GGT6: variants seen among roughly 807,000 people sequenced by gnomAD.
GGT6 encodes glutathione hydrolase 6.
GGT6 carries 13 observed loss-of-function variants against 17.0 expected under a neutral mutation model. The ratio of observed to expected loss-of-function variants is 0.77; its 90% CI spans 0.50 to 1.22. GGT6 has a LOEUF of 1.22. GGT6 is among the 50% of genes most tolerant of loss of function. The pLI is 0.00. For synonymous variants in GGT6, 305 were observed against 297.9 expected, an observed-to-expected ratio of 1.02 and a Z score of -0.25; for missense variants, 628 against 643.7, an observed-to-expected ratio of 0.98 and a Z score of 0.26.
Position 4,558,505 on chromosome 17 carries a change from C to T in GGT6, c.1010G>A (p.Gly337Glu). ...TGGGCAGGGGTCAGGGATGGGCGCCCCGGAGCGCAGGGCTGCCTCCAACAG... is the reference window on the plus strand; with the variant it reads ...TGGGCAGGGGTCAGGGATGGGCGCCTCGGAGCGCAGGGCTGCCTCCAACAG... ...LALLEAALRS[G>E]APIPDPCPPF... Residue 337 changes from glycine (G) to glutamate (E), a missense_variant, in exon 4 of 4, where the codon GGG (glycine) becomes GAG (glutamate). Gly to Glu is a moderately conservative substitution (Grantham distance 98). Transcript: ENST00000381550. 4.4e-6 allele frequency: 7 copies of T among 1,600,896 alleles called. No homozygotes were observed. Among genetic ancestry groups the T allele is most frequent in the Non-Finnish European group, 6.0e-6 (7 of 1,174,432 alleles).
Position 4,559,287 on chromosome 17 carries a change from A to G in GGT6, c.457+56T>C, listed in dbSNP as rs1908448076. On this transcript the variant is annotated intron_variant, in intron 3 of 3. Transcript: ENST00000381550. ...CAGTGCTACTGACTCCCTAAGTTCCAGGTCACTGATCAGGCTGTGGGTTGG... is the reference window on the plus strand; with the variant it reads ...CAGTGCTACTGACTCCCTAAGTTCCGGGTCACTGATCAGGCTGTGGGTTGG... 6 of 1,390,996 alleles carry G rather than the reference A, an allele frequency of 4.3e-6. No homozygotes were observed. In the Admixed American group the frequency reaches 1.2e-4, roughly 27 times the overall value. The allele number at this position is 1,390,996 out of a possible 1,614,324, so 86.2% of individuals were successfully genotyped here.
Position 4,559,542 on chromosome 17 carries a change from C to A in GGT6, c.343+16G>T, listed in dbSNP as rs773604892. 1.3e-5 allele frequency: 21 copies of A among 1,611,998 alleles called. No homozygotes were observed. The highest frequency in any genetic ancestry group is 1.8e-5 in the Non-Finnish European group (21 of 1,179,284). ...CTGACCCTCCCCTCCCCAAGCCGCC[C>A]CCAGCACTGACTGACCTGCAGGGCT... On this transcript the variant is annotated intron_variant, in intron 2 of 3. Transcript: ENST00000381550.
In GGT6 at chr17:4,559,334, G is replaced by C; in HGVS notation, c.457+9C>G. On this transcript the variant is annotated intron_variant, in intron 3 of 3. Coordinates refer to ENST00000381550, the MANE Select transcript of GGT6 (RefSeq NM_001288702.2). ...TTGGGGTTGCAGTCTGGGGTCAGGGGTCACTGACCTAGCCCCGTGGCATGA... is the reference window on the plus strand; with the variant it reads ...TTGGGGTTGCAGTCTGGGGTCAGGGCTCACTGACCTAGCCCCGTGGCATGA... 1 of 1,541,020 alleles carries C rather than the reference G, an allele frequency of 6.5e-7. No individual in the cohort carries two copies. Among genetic ancestry groups the C allele is most frequent in the East Asian group, 2.4e-5 (1 of 40,870 alleles).
rs1450174416 is a variant in GGT6, at chr17:4,557,965, C to T, written c.*50G>A. The T allele has an allele frequency of 3.2e-6, 4 of 1,238,534 alleles. No homozygotes were observed. Among genetic ancestry groups the T allele is most frequent in the Non-Finnish European group, 4.4e-6 (4 of 901,778 alleles). 76.7% of individuals were successfully genotyped at this position (1,238,534 alleles called of 1,614,324 possible). A position where few individuals can be genotyped will look rare whatever the true frequency, so the allele number is the denominator to read the frequency against. On this transcript the variant is annotated 3_prime_UTR_variant, in exon 4 of 4. Transcript: ENST00000381550. The stretch of plus-strand genomic sequence containing the variant: ...TGCTGCTGTGTCTGCTCTGCTCCTG[C>T]CCCCATGCTTCAGATAACTCTGCCT...
Position 4,558,096 on chromosome 17 carries a change from G to GGT in GGT6, c.1417_1418dup (p.Leu474ProfsTer41). 6.2e-7 allele frequency: 1 copy of GGT among 1,608,746 alleles called. No individual in the cohort carries two copies. The highest frequency in any genetic ancestry group is 8.5e-7 in the Non-Finnish European group (1 of 1,176,920). On this transcript the variant is annotated frameshift_variant, in exon 4 of 4. Coordinates refer to ENST00000381550, the MANE Select transcript of GGT6 (RefSeq NM_001288702.2). LOFTEE classifies it high-confidence loss of function. ...CTGTGTGGGCTGCCACCTGGAGCAG[G>GGT]GTCCCTTGGCCACAAGTGCTGGGAT...
chr17:4,559,579 C>G lies in GGT6; in HGVS notation c.322G>C (p.Gly108Arg). ...HSHGPGVYHH[G>R]AIISPAATCS... ...TGACCTGCAGGGCTGATGATGGCAC[C>G]GTGGTGGTATACGCCAGGGCCGTGG... is the stretch of plus-strand genomic sequence containing the variant. The change falls in exon 2 of 4, where the codon GGT becomes CGT. Residue 108 changes from glycine (G) to arginine (R), a missense_variant. Gly to Arg is a moderately radical substitution (Grantham distance 125, BLOSUM62 -2). Coordinates refer to ENST00000381550, the MANE Select transcript of GGT6 (RefSeq NM_001288702.2). The G allele has an allele frequency of 6.2e-7, 1 of 1,613,804 alleles. No homozygotes were observed. Among genetic ancestry groups the G allele is most frequent in the South Asian group, 1.1e-5 (1 of 91,080 alleles).
In GGT6 at chr17:4,558,294, G is replaced by A; in HGVS notation, c.1221C>T (p.Pro407=). 2 of 1,613,750 alleles carry A rather than the reference G, an allele frequency of 1.2e-6. No individual in the cohort carries two copies. Among genetic ancestry groups the A allele is most frequent in the Non-Finnish European group, 1.7e-6 (2 of 1,180,052 alleles). ...AKSTTSAWAC[P]LILRGSLDDT... is the part of the protein sequence containing the mutation. ...CATCCAGGCTGCCACGGAGGATGAGGGGGCAGGCCCAGGCACTAGTGGTAG... is the reference window on the plus strand; with the variant it reads ...CATCCAGGCTGCCACGGAGGATGAGAGGGCAGGCCCAGGCACTAGTGGTAG... The change falls in exon 4 of 4, where the codon CCC becomes CCT. Residue 407 remains proline, a synonymous_variant. Coordinates refer to ENST00000381550, the MANE Select transcript of GGT6 (RefSeq NM_001288702.2).
chr17:4,559,301 G>A, intron 3 of GGT6, 42 bp downstream of exon 3: 1 of 1,444,960 alleles, frequency 6.9e-7, no homozygotes, highest in African/African-American at 1.4e-5. Flanking sequence ...CACTGATCAG[G>A]CTGTGGGTTG....
At position 4,559,791 on chromosome 17, in the gene GGT6, T is replaced by G. The variant is rs1011866252; in HGVS notation, c.141-31A>C. 2.5e-6 allele frequency: 4 copies of G among 1,597,678 alleles called. No homozygotes were observed. In the African/African-American group the frequency reaches 5.4e-5, roughly 21 times the overall value. On this transcript the variant is annotated intron_variant, in intron 1 of 3. Coordinates refer to ENST00000381550, the MANE Select transcript of GGT6 (RefSeq NM_001288702.2). ...GAGGGGGGGTGTCCTGAGCCACGGC[T>G]GGGACAGAGGGATGCCCAAGGACCC...
In GGT6 at chr17:4,558,109, C is replaced by T. The variant is rs1908297690; in HGVS notation, c.1406G>A (p.Cys469Tyr). 6.2e-7 allele frequency: 1 copy of T among 1,611,404 alleles called. No individual in the cohort carries two copies. The highest frequency in any genetic ancestry group is 1.7e-5 in the Admixed American group (1 of 59,854). The change falls in exon 4 of 4, where the codon TGT becomes TAT. Residue 469 changes from cysteine to tyrosine, a missense_variant. By Grantham distance (194) the Cys-to-Tyr change is radical. Coordinates refer to ENST00000381550, the MANE Select transcript of GGT6 (RefSeq NM_001288702.2). ...CACCTGGAGCAGGGTCCCTTGGCCA[C>T]AAGTGCTGGGATGCTCTGTTGGTTC... is the stretch of plus-strand genomic sequence containing the variant. ...QQEPTEHPSTCGQGTLLQVAA... is the reference protein window; with the variant it reads ...QQEPTEHPSTYGQGTLLQVAA...
Position 4,557,958 on chromosome 17 carries a change from G to A in GGT6, c.*57C>T. 1 of 1,180,338 alleles carries A rather than the reference G, an allele frequency of 8.5e-7. No individual in the cohort carries two copies. Among genetic ancestry groups the A allele is most frequent in the Non-Finnish European group, 1.2e-6 (1 of 852,366 alleles). 73.1% of individuals were successfully genotyped at this position (1,180,338 alleles called of 1,614,324 possible). A position where few individuals can be genotyped will look rare whatever the true frequency, so the allele number is the denominator to read the frequency against. ...ACTCCATTGCTGCTGTGTCTGCTCT[G>A]CTCCTGCCCCCATGCTTCAGATAAC... On this transcript the variant is annotated 3_prime_UTR_variant, in exon 4 of 4. Coordinates refer to ENST00000381550, the MANE Select transcript of GGT6 (RefSeq NM_001288702.2).
At chr17:4,560,317 C>G in intron 1 of GGT6, 65 bp downstream of exon 1, 2 of 1,596,448 alleles carry the variant, frequency 1.3e-6, no homozygotes. Context: ...TGAGGGGCTC[C>G]AGAGAGAGGG....
downstream of GGT6, among the ~76,000 whole-genome samples, chr17:4,556,610 G>A (rs1209017980): frequency 6.6e-6 from 1 of 152,160 alleles, no homozygotes; most frequent in Non-Finnish European, 1.5e-5. Flanking sequence ...CTTGGGGGAG[G>A]TCAGGGCTAA....
chr17:4,560,493 T>G lies in GGT6; in HGVS notation c.29A>C (p.Tyr10Ser), dbSNP rs1371050883. 9.3e-6 allele frequency: 15 copies of G among 1,612,930 alleles called. No individual in the cohort carries two copies. The highest frequency in any genetic ancestry group is 1.3e-5 in the African/African-American group (1 of 74,946). The change falls in exon 1 of 4, where the codon TAT (tyrosine) becomes TCT (serine). Residue 10 changes from tyrosine to serine, a missense_variant. Coordinates refer to ENST00000381550, the MANE Select transcript of GGT6 (RefSeq NM_001288702.2). The part of the protein sequence containing the change: MERAEEPVV[Y>S]QKLLPWEPSL... Reference sequence around the variant, plus strand: ...TGGCTCCCAGGGCAGCAGCTTCTGATAGACCACGGGCTCTTCTGCCCGCTC... The same window carrying G: ...TGGCTCCCAGGGCAGCAGCTTCTGAGAGACCACGGGCTCTTCTGCCCGCTC...
In GGT6 at chr17:4,559,325, G is replaced by C; in HGVS notation, c.457+18C>G. ...GGCTGTGGGTTGGGGTTGCAGTCTGGGGTCAGGGGTCACTGACCTAGCCCC... is the reference window on the plus strand; with the variant it reads ...GGCTGTGGGTTGGGGTTGCAGTCTGCGGTCAGGGGTCACTGACCTAGCCCC... On this transcript the variant is annotated intron_variant, in intron 3 of 3. Coordinates refer to ENST00000381550, the MANE Select transcript of GGT6 (RefSeq NM_001288702.2). The C allele has an allele frequency of 5.2e-6, 8 of 1,527,010 alleles. No individual in the cohort carries two copies. The highest frequency in any genetic ancestry group is 7.1e-6 in the Non-Finnish European group (8 of 1,124,392). 94.6% of individuals were successfully genotyped at this position (1,527,010 alleles called of 1,614,324 possible).
rs1908320002 is a variant in GGT6 at position 4,558,336 on chromosome 17, G to T, written c.1179C>A (p.Ser393Arg). The T allele has an allele frequency of 6.2e-7, 1 of 1,610,148 alleles. No homozygotes were observed. Among genetic ancestry groups the T allele is most frequent in the Non-Finnish European group, 8.5e-7 (1 of 1,180,020 alleles). ...TAGTGGTAGACTTGGCCACCAGGTT[G>T]CTGAGCAGAACCCCAGTGCTTGGGG... ...HLSPSTGVLL[S>R]NLVAKSTTSA... The change falls in exon 4 of 4, where the codon AGC becomes AGA. Residue 393 changes from serine (S) to arginine (R), a missense_variant. Ser to Arg is a moderately radical substitution (Grantham distance 110, BLOSUM62 -1). Transcript: ENST00000381550.
At position 4,558,304 on chromosome 17, in the gene GGT6, C is replaced by A; in HGVS notation, c.1211G>T (p.Trp404Leu). ...NLVAKSTTSA[W>L]ACPLILRGSL... ...GCCACGGAGGATGAGGGGGCAGGCC[C>A]AGGCACTAGTGGTAGACTTGGCCAC... is the stretch of plus-strand genomic sequence containing the variant. Residue 404 changes from tryptophan to leucine, a missense_variant, in exon 4 of 4, where the codon TGG (tryptophan) becomes TTG (leucine). Physicochemically the swap from Trp to Leu is moderately conservative, Grantham distance 61. Transcript: ENST00000381550. 2 of 1,613,236 alleles carry A rather than the reference C, an allele frequency of 1.2e-6. No individual in the cohort carries two copies. The highest frequency in any genetic ancestry group is 1.7e-6 in the Non-Finnish European group (2 of 1,180,032).
Position 4,559,738 on chromosome 17 carries a change from C to T in GGT6, c.163G>A (p.Gly55Arg), listed in dbSNP as rs373030143. 102 of 1,611,476 alleles carry T rather than the reference C, an allele frequency of 6.3e-5. No homozygotes were observed. Among genetic ancestry groups the T allele is most frequent in the Non-Finnish European group, 8.0e-5 (94 of 1,179,904 alleles). The change falls in exon 2 of 4, where the codon GGA becomes AGA. Residue 55 changes from glycine to arginine, a missense_variant. By Grantham distance (125) the Gly-to-Arg change is moderately radical (BLOSUM62 -2). Transcript: ENST00000381550. ...SSRNKAGGLPGTWARVVAALL... is the reference protein window; with the variant it reads ...SSRNKAGGLPRTWARVVAALL... ...GCTGCCACTACACGGGCCCAGGTTCCGGGCAGCCCGCCAGCCTTGTTCCTG... is the reference window on the plus strand; with the variant it reads ...GCTGCCACTACACGGGCCCAGGTTCTGGGCAGCCCGCCAGCCTTGTTCCTG...
Position 4,558,901 on chromosome 17 carries a change from G to A in GGT6, c.614C>T (p.Pro205Leu). ...LHARFGRLPW[P>L]RLLVGPTTLA... ...CGTGGTGGGGCCCACTAGCAGGCGT[G>A]GCCAGGGCAGGCGGCCGAAGCGTGC... Residue 205 changes from proline (P) to leucine (L), a missense_variant, in exon 4 of 4, where the codon CCA becomes CTA. Pro to Leu is a moderately conservative substitution (Grantham distance 98, BLOSUM62 -3). Transcript: ENST00000381550. The A allele has an allele frequency of 6.5e-7, 1 of 1,548,864 alleles. No homozygotes were observed. Among genetic ancestry groups the A allele is most frequent in the Non-Finnish European group, 8.7e-7 (1 of 1,145,834 alleles).
Sources: gnomAD v4.1 joint callset for allele counts (sites outside exome capture counted in the v4.1 genomes callset) on GRCh38, gnomAD v4.1.1 for gene constraint, MANE v1.5 for transcripts, NCBI Gene and HGNC (gene_info 2026-07-23, HGNC 2026-07-21) for gene names.